Variants in CNTNAP3 observed in about 807,000 individuals in gnomAD.
The protein encoded by CNTNAP3 is contactin-associated protein-like 3.
A neutral mutation model predicts 92.1 loss-of-function variants in CNTNAP3; 36 were observed. The ratio of observed to expected loss-of-function variants is 0.39; its 90% CI spans 0.30 to 0.52. The LOEUF is 0.52. CNTNAP3 is among the 20% of genes least tolerant of loss of function. The probability of loss-of-function intolerance (pLI) is 0.76; values close to 1 mark genes in which losing one functional copy is unlikely to be tolerated. For synonymous variants in CNTNAP3, 232 were observed against 422.3 expected, an observed-to-expected ratio of 0.55 and a Z score of 5.53; for missense variants, 534 against 1,069.6, an observed-to-expected ratio of 0.50 and a Z score of 6.98.
At chr9:39,146,381 G>C (rs1248223889) in intron 10 of CNTNAP3, among the ~76,000 whole-genome samples, 1 of 152,074 alleles carries the variant, frequency 6.6e-6, no homozygotes, top group Non-Finnish European at 1.5e-5. Context: ...TGATGTAAGA[G>C]GTGATTAAGA....
chr9:39,126,945 G>C (rs911447557), intron 13 of CNTNAP3, among the ~76,000 whole-genome samples: 3 of 151,586 alleles, frequency 2.0e-5, no homozygotes, highest in African/African-American at 7.3e-5. Context: ...CTTAAGAATA[G>C]CAGAATATAC....
At chr9:39,139,258 A>G (rs1222466899) in intron 12 of CNTNAP3, among the ~76,000 whole-genome samples, 2 of 152,108 alleles carry the variant, frequency 1.3e-5, no homozygotes, top group African/African-American at 4.8e-5. Context: ...ATGACAACCA[A>G]GGTCCTTCCT....
At chr9:39,080,490 C>T (rs1269216842) in intron 21 of CNTNAP3, among the ~76,000 whole-genome samples, 1 of 137,008 alleles carries the variant, frequency 7.3e-6, no homozygotes, top group African/African-American at 2.7e-5. Flanking sequence ...CAGTCTCTTT[C>T]CCCAACTGCA....
At chr9:39,077,547 ACT>A (rs1280085897) in intron 23 of CNTNAP3, among the ~76,000 whole-genome samples, 1 of 149,096 alleles carries the variant, frequency 6.7e-6, no homozygotes, top group Non-Finnish European at 1.5e-5. Context: ...ACACAGCGAG[ACT>A]CTGTCTCAAA....
intron 13 of CNTNAP3, among the ~76,000 whole-genome samples, chr9:39,132,068 C>T (rs1227187889): frequency 6.6e-6 from 1 of 152,062 alleles, no homozygotes; most frequent in East Asian, 1.9e-4. Flanking sequence ...GCTGCCCAAG[C>T]TGGAGGCAGT....
At position 39,070,799 on chromosome 9, in the gene CNTNAP3, C is replaced by T. The variant is rs1199191255; in HGVS notation, c.*3091G>A. ...TCATGTACTCCATAAATATATACAC[C>T]TAGTATGTACACAAAAATTAAAAAA... On this transcript the variant is annotated 3_prime_UTR_variant, in exon 24 of 24. Transcript: ENST00000297668. Among the ~76,000 whole-genome samples, 36 of 152,270 alleles carry T rather than the reference C, an allele frequency of 2.4e-4. No homozygotes were observed. Among genetic ancestry groups the T allele is most frequent in the Admixed American group, 2.4e-3 (36 of 15,280 alleles).
intron 18 of CNTNAP3, among the ~76,000 whole-genome samples, chr9:39,094,678 C>A (rs1471225268): frequency 1.3e-5 from 2 of 151,570 alleles, no homozygotes; most frequent in African/African-American, 4.8e-5. Context: ...TTATTTCTGG[C>A]CTCTCAGCTC....
At chr9:39,130,492 ATTC>A (rs1242137354) in intron 13 of CNTNAP3, among the ~76,000 whole-genome samples, 1 of 144,968 alleles carries the variant, frequency 6.9e-6, no homozygotes, top group Non-Finnish European at 1.5e-5. Context: ...AATAGGAGGA[ATTC>A]TTTTTTTTTT....
rs149217927 is a variant in CNTNAP3 at position 39,166,580 on chromosome 9, G to C, written c.1334-504C>G. ...CAGGATTTGAAATGGAAGATCACTG[G>C]ATGTCTGGCTTACTGCACCTATTAA... On this transcript the variant is annotated intron_variant, in intron 8 of 23. Transcript: ENST00000297668. 6.8e-3 allele frequency among the ~76,000 whole-genome samples: 1,020 copies of C among 150,500 alleles called. 23 individuals carry two copies. Among genetic ancestry groups the C allele is most frequent in the African/African-American group, 0.024 (982 of 41,268 alleles).
At chr9:39,077,475 T>C (rs932907847) in intron 23 of CNTNAP3, among the ~76,000 whole-genome samples, 7 of 151,930 alleles carry the variant, frequency 4.6e-5, no homozygotes, top group African/African-American at 1.2e-4. Context: ...GAGAATGGCG[T>C]GAACCCGGGA....
intron 15 of CNTNAP3, among the ~76,000 whole-genome samples, chr9:39,105,295 T>C (rs768990378): frequency 2.2e-4 from 34 of 152,048 alleles, no homozygotes; most frequent in African/African-American, 2.9e-4. Context: ...GGCATGGTGG[T>C]GGGTGCCTGT....
chr9:39,153,806 G>A (rs2480988), intron 9 of CNTNAP3, among the ~76,000 whole-genome samples: 1 of 132,648 alleles, frequency 7.5e-6, no homozygotes, highest in Non-Finnish European at 1.6e-5. Context: ...TGATCCACCC[G>A]CCTCAGCCTC....
intron 14 of CNTNAP3, among the ~76,000 whole-genome samples, chr9:39,114,183 C>T (rs1353622199): frequency 1.3e-5 from 2 of 151,056 alleles, no homozygotes; most frequent in Middle Eastern, 3.4e-3. Context: ...TCCAGCTTCA[C>T]GCCATTCTCC....
chr9:39,091,168 C>CTTTTTTTTTTTT (rs1319060417), intron 18 of CNTNAP3, among the ~76,000 whole-genome samples: 8 of 117,972 alleles, frequency 6.8e-5, no homozygotes, highest in South Asian at 2.7e-4. Flanking sequence ...TGTTTTTCTT[C>CTTTTTTTTTTTT]TTCTTTTTTT....
At chr9:39,129,971 T>C (rs1481199032) in intron 13 of CNTNAP3, among the ~76,000 whole-genome samples, 1 of 152,142 alleles carries the variant, frequency 6.6e-6, no homozygotes, top group African/African-American at 2.4e-5. Flanking sequence ...GTTATCAGAA[T>C]AGCTTAAATA....
chr9:39,114,306 C>G (rs543742336), intron 14 of CNTNAP3, among the ~76,000 whole-genome samples: 2 of 151,990 alleles, frequency 1.3e-5, no homozygotes, highest in East Asian at 3.9e-4. Context: ...AGGATGGTCT[C>G]GATCTTCTGA....
rs1282974736 is a variant in CNTNAP3, at chr9:39,065,355, C to T, written c.*8535G>A. On this transcript the variant is annotated 3_prime_UTR_variant, in exon 24 of 24. Coordinates refer to ENST00000297668, the MANE Select transcript of CNTNAP3 (RefSeq NM_033655.5). The stretch of plus-strand genomic sequence containing the variant: ...AGAGTATTTCATTATTAATACAACA[C>T]AAATTGTTTGTCCATTTTCTTGTTG... 1.8e-4 allele frequency among the ~76,000 whole-genome samples: 28 copies of T among 152,402 alleles called. No individual in the cohort carries two copies. The South Asian group carries it at 5.4e-3, about 29-fold the overall frequency.
At chr9:39,149,516 A>ATT (rs767987099) in intron 10 of CNTNAP3, among the ~76,000 whole-genome samples, 27,113 of 144,028 alleles carry the variant, frequency 0.19, 2,724 homozygotes, top group East Asian at 0.3. Flanking sequence ...CGCCTGGCTA[A>ATT]TTTTTTTTTT....
rs369666915 is a variant in CNTNAP3, at chr9:39,112,656, G to T, written c.2238-3369C>A. Among the ~76,000 whole-genome samples, 127 of 152,210 alleles carry T rather than the reference G, an allele frequency of 8.3e-4. No individual in the cohort carries two copies. In the South Asian group the frequency reaches 0.02, roughly 24 times the overall value. On this transcript the variant is annotated intron_variant, in intron 14 of 23. Transcript: ENST00000297668. ...TGGGATAACAGGTGTGAGCCACCGC[G>T]CCCAGCCCAACTGTTAATGATTATT...
Sources: gnomAD v4.1 joint callset for allele counts (sites outside exome capture counted in the v4.1 genomes callset) on GRCh38, gnomAD v4.1.1 for gene constraint, MANE v1.5 for transcripts, NCBI Gene and HGNC (gene_info 2026-07-23, HGNC 2026-07-21) for gene names.